GABRB3: variants seen among roughly 807,000 people sequenced by gnomAD.
GABRB3 encodes gamma-aminobutyric acid receptor subunit beta-3.
GABRB3 carries 14 observed loss-of-function variants against 52.1 expected under a neutral mutation model. That is an observed-to-expected ratio of 0.27 (90% CI 0.18 to 0.42). GABRB3 has a LOEUF of 0.42. Ranked by LOEUF, GABRB3 falls within the 10% of genes least tolerant of loss-of-function variation. The pLI is 1.00. For missense variants in GABRB3, 307 were observed against 609.1 expected (o/e 0.50, Z 5.22); for synonymous variants, 260 against 232.3 (o/e 1.12, Z -1.08).
intron 3 of GABRB3, among the ~76,000 whole-genome samples, chr15:26,650,863 A>G (rs534041739): frequency 2.0e-5 from 3 of 152,202 alleles, no homozygotes; most frequent in African/African-American, 7.2e-5. Flanking sequence ...GACTTCAGAG[A>G]AGAGGCGATC....
chr15:26,635,969 T>A (rs1893048671), intron 3 of GABRB3, among the ~76,000 whole-genome samples: 1 of 152,186 alleles, frequency 6.6e-6, no homozygotes, highest in Non-Finnish European at 1.5e-5. Context: ...CCGAGAAATA[T>A]TAGTTTGATA....
chr15:26,618,709 C>A (rs934386395), intron 4 of GABRB3, among the ~76,000 whole-genome samples: 46 of 152,034 alleles, frequency 3.0e-4, no homozygotes, highest in Non-Finnish European at 5.3e-4. Context: ...GCAAAAGAAA[C>A]TACCATCAGA....
rs866262894 is a variant in GABRB3 at position 26,646,035 on chromosome 15, A to G, written c.241-24501T>C. 2.6e-4 allele frequency among the ~76,000 whole-genome samples: 39 copies of G among 152,254 alleles called. 1 individual carries two copies. The Middle Eastern group carries it at 0.021, about 80-fold the overall frequency. On this transcript the variant is annotated intron_variant, in intron 3 of 8. Transcript: ENST00000311550. The stretch of plus-strand genomic sequence containing the variant: ...CAGTAATATTTTACCAAATAATGGG[A>G]CCTATTTTTTAACAACTTTAATGAG...
intron 3 of GABRB3, among the ~76,000 whole-genome samples, chr15:26,743,703 A>G (rs1006578489): frequency 1.6e-4 from 25 of 152,176 alleles, no homozygotes; most frequent in African/African-American, 6.0e-4. Flanking sequence ...GGAAAAGGCC[A>G]TTTTCTGTCA....
rs529962133 is a variant in GABRB3 at position 26,568,251 on chromosome 15, C to T, written c.683-518G>A. ...AGAGGCAGAGAAGCAAGTCCAGTCC[C>T]GGAGAAAGCAGTGGTGCACACTGAG... is the stretch of plus-strand genomic sequence containing the variant. On this transcript the variant is annotated intron_variant, in intron 6 of 8. Coordinates refer to ENST00000311550, the MANE Select transcript of GABRB3 (RefSeq NM_000814.6). Among the ~76,000 whole-genome samples, 76 of 152,158 alleles carry T rather than the reference C, an allele frequency of 5.0e-4. 1 individual carries two copies. The highest frequency in any genetic ancestry group is 9.9e-4 in the Non-Finnish European group (67 of 67,998).
At chr15:26,611,137 AATG>A (rs1892053225) in intron 4 of GABRB3, among the ~76,000 whole-genome samples, 1 of 152,156 alleles carries the variant, frequency 6.6e-6, no homozygotes, top group Non-Finnish European at 1.5e-5. Context: ...AGTAACTGGA[AATG>A]ATAACTAGTT....
chr15:26,697,125 C>G (rs539711879), intron 3 of GABRB3, among the ~76,000 whole-genome samples: 2 of 152,252 alleles, frequency 1.3e-5, no homozygotes, highest in East Asian at 3.9e-4. Context: ...ATTTCAGATC[C>G]CCACAGATTC....
At chr15:26,710,562 G>C (rs1238021278) in intron 3 of GABRB3, among the ~76,000 whole-genome samples, 4 of 152,180 alleles carry the variant, frequency 2.6e-5, no homozygotes, top group Non-Finnish European at 5.9e-5. Context: ...CTCTTGGGCA[G>C]ATACTTAAGA....
At chr15:26,732,235 CAGAT>C (rs943255850) in intron 3 of GABRB3, among the ~76,000 whole-genome samples, 15 of 138,272 alleles carry the variant, frequency 1.1e-4, no homozygotes, top group Non-Finnish European at 1.8e-4. Flanking sequence ...GATGGGTGGA[CAGAT>C]GGATGGATGG....
In GABRB3 at chr15:26,621,015, G is replaced by A. The variant is rs1892462758; in HGVS notation, c.461+299C>T. Among the ~76,000 whole-genome samples the A allele has an allele frequency of 6.6e-6, 1 of 152,106 alleles. No homozygotes were observed. Among genetic ancestry groups the A allele is most frequent in the Non-Finnish European group, 1.5e-5 (1 of 68,014 alleles). On this transcript the variant is annotated intron_variant, in intron 4 of 8. Coordinates refer to ENST00000311550, the MANE Select transcript of GABRB3 (RefSeq NM_000814.6). The surrounding 1 kb of genome is among the most constrained non-coding windows in gnomAD (Gnocchi z 4.1). ...AGGGCGATATTAATTACAGGCCTCT[G>A]TGGCTATGATATGGAAAATCCATCC...
intron 3 of GABRB3, among the ~76,000 whole-genome samples, chr15:26,638,564 T>C (rs1171160535): frequency 6.6e-6 from 1 of 152,244 alleles, no homozygotes; most frequent in Non-Finnish European, 1.5e-5. Flanking sequence ...ATCCAGCTGC[T>C]CTTCTGACAG....
intron 3 of GABRB3, among the ~76,000 whole-genome samples, chr15:26,759,452 G>A (rs1244554241): frequency 6.6e-6 from 1 of 152,040 alleles, no homozygotes; most frequent in Non-Finnish European, 1.5e-5. Flanking sequence ...GTAGAGACGG[G>A]GTTTCACCAT....
At chr15:26,606,828 A>ATATCTATCGATAGATCTATC (rs1367622796) in intron 4 of GABRB3, among the ~76,000 whole-genome samples, 1 of 150,820 alleles carries the variant, frequency 6.6e-6, no homozygotes, top group Non-Finnish European at 1.5e-5. Flanking sequence ...ATAGATAGAT[A>ATATCTATCGATAGATCTATC]GATAGATAGA....
intron 4 of GABRB3, among the ~76,000 whole-genome samples, chr15:26,584,356 T>C (rs1890901763): frequency 6.6e-6 from 1 of 152,260 alleles, no homozygotes; most frequent in African/African-American, 2.4e-5. Flanking sequence ...AAGACTGAGG[T>C]CTTTGACTTT....
At chr15:26,553,605 T>C (rs1182265441) in intron 8 of GABRB3, 2 of 152,062 alleles carry the variant, frequency 1.3e-5, no homozygotes, top group Non-Finnish European at 2.9e-5. Flanking sequence ...ATAACAAAAC[T>C]GTGAGATGAA....
intron 3 of GABRB3, among the ~76,000 whole-genome samples, chr15:26,746,535 T>C (rs1244866309): frequency 1.3e-5 from 2 of 152,236 alleles, no homozygotes; most frequent in East Asian, 1.9e-4. Flanking sequence ...AAGATGTTTT[T>C]ATGTTTTTTT....
chr15:26,696,334 C>T lies in GABRB3; in HGVS notation c.241-74800G>A, dbSNP rs767159794. Among the ~76,000 whole-genome samples, 12 of 152,140 alleles carry T rather than the reference C, an allele frequency of 7.9e-5. No individual in the cohort carries two copies. The South Asian group carries it at 1.5e-3, about 18-fold the overall frequency. On this transcript the variant is annotated intron_variant, in intron 3 of 8. Coordinates refer to ENST00000311550, the MANE Select transcript of GABRB3 (RefSeq NM_000814.6). The stretch of plus-strand genomic sequence containing the variant: ...TATATACATTTTCCCATCTAAACCC[C>T]GCACACCTTTTTAAGATAGGTACTA...
In GABRB3 at chr15:26,583,561, C is replaced by T. The variant is rs13380323; in HGVS notation, c.462-147G>A. ...ATCATTCACTATATATAGAGAGAAACTTGAGTAAATAAGAAACTCTTTTCA... is the reference window on the plus strand; with the variant it reads ...ATCATTCACTATATATAGAGAGAAATTTGAGTAAATAAGAAACTCTTTTCA... On this transcript the variant is annotated intron_variant, in intron 4 of 8. Coordinates refer to ENST00000311550, the MANE Select transcript of GABRB3 (RefSeq NM_000814.6). 3.9e-3 allele frequency: 2,549 copies of T among 652,422 alleles called. 41 individuals are homozygous for T. In the African/African-American group the frequency reaches 0.041, roughly 11 times the overall value. 40.4% of individuals were successfully genotyped at this position (652,422 alleles called of 1,614,324 possible).
At chr15:26,616,957 A>AC (rs1161782893) in intron 4 of GABRB3, among the ~76,000 whole-genome samples, 1 of 101,178 alleles carries the variant, frequency 9.9e-6, no homozygotes, top group Non-Finnish European at 2.1e-5. Context: ...TACTTCTGTT[A>AC]AAAAAAAAAA....
Sources: allele counts gnomAD v4.1 joint callset (sites outside exome capture counted in the v4.1 genomes callset), GRCh38; gene constraint gnomAD v4.1.1; non-coding constraint Gnocchi (gnomAD v3.1); transcripts MANE v1.5; gene names NCBI Gene and HGNC (gene_info 2026-07-23, HGNC 2026-07-21).